Variants in DLG2 observed in about 807,000 individuals in gnomAD.
DLG2 encodes disks large homolog 2.
DLG2 carries 45 observed loss-of-function variants against 132.5 expected under a neutral mutation model. That is an observed-to-expected ratio of 0.34 (90% CI 0.27 to 0.44). The LOEUF (loss-of-function observed/expected upper bound fraction) is 0.44. DLG2 is among the 20% of genes least tolerant of loss of function. DLG2 has a pLI of 1.00. For synonymous variants in DLG2, 424 were observed against 419.6 expected (o/e 1.01, Z -0.13); for missense variants, 1,045 against 1,196.9 (o/e 0.87, Z 1.87).
intron 3 of DLG2, among the ~76,000 whole-genome samples, chr11:85,364,367 A>G (rs1224399534): frequency 1.3e-5 from 2 of 152,198 alleles, no homozygotes; most frequent in East Asian, 3.8e-4. Context: ...GGGAATCAAG[A>G]GATACTCCTT....
chr11:85,035,703 A>G (rs2061381685), intron 6 of DLG2, among the ~76,000 whole-genome samples: 1 of 152,204 alleles, frequency 6.6e-6, no homozygotes, highest in Admixed American at 6.5e-5. Context: ...TTAGTAATTT[A>G]CATAGATTAT....
At chr11:84,987,395 T>C (rs1435306237) in intron 6 of DLG2, among the ~76,000 whole-genome samples, 1 of 151,880 alleles carries the variant, frequency 6.6e-6, no homozygotes, top group Non-Finnish European at 1.5e-5. Flanking sequence ...ACATCATCAT[T>C]CCTCACAGAA....
chr11:84,449,919 A>C (rs1330715381), intron 7 of DLG2, among the ~76,000 whole-genome samples: 1 of 151,876 alleles, frequency 6.6e-6, no homozygotes, highest in African/African-American at 2.4e-5. Context: ...GTTGATACTG[A>C]AGTTACAATT....
chr11:83,644,330 G>C (rs188921045), intron 18 of DLG2, among the ~76,000 whole-genome samples: 1 of 152,072 alleles, frequency 6.6e-6, no homozygotes, highest in South Asian at 2.1e-4. Flanking sequence ...TGGAGAATTC[G>C]ATAAATATGT....
chr11:85,314,305 C>T (rs1332459915), intron 3 of DLG2, among the ~76,000 whole-genome samples: 1 of 151,712 alleles, frequency 6.6e-6, no homozygotes, highest in African/African-American at 2.4e-5. Flanking sequence ...CAAGCTCACT[C>T]CTAATAAAAT....
At chr11:84,037,274 C>T (rs1384636741) in intron 11 of DLG2, among the ~76,000 whole-genome samples, 2 of 152,132 alleles carry the variant, frequency 1.3e-5, no homozygotes, top group East Asian at 3.9e-4. Flanking sequence ...GTTCTAATGT[C>T]TCTCTTTTTA....
At position 84,934,507 on chromosome 11, in the gene DLG2, TTTTTTTTGTTTTGTTTTG is replaced by T. The variant is rs1376520606; in HGVS notation, c.357+177136_357+177153del. On this transcript the variant is annotated intron_variant, in intron 6 of 27. Coordinates refer to ENST00000376104, the MANE Select transcript of DLG2 (RefSeq NM_001142699.3). ...GTGAATCTGTATGGTCCTGGGTGTTTTTTTTTTGTTTTGTTTTGTTTTTTTTTTTTTTTTTTTTTGGTG... is the reference window on the plus strand; with the variant it reads ...GTGAATCTGTATGGTCCTGGGTGTTTTTTTTTTTTTTTTTTTTTTTTGGTG... 1.1e-3 allele frequency among the ~76,000 whole-genome samples: 85 copies of T among 75,970 alleles called. 2 individuals are homozygous for T. Among genetic ancestry groups the T allele is most frequent in the African/African-American group, 3.0e-3 (38 of 12,612 alleles). The allele number at this position is 75,970 out of a possible 152,430, so 49.8% of individuals were successfully genotyped here.
intron 3 of DLG2, among the ~76,000 whole-genome samples, chr11:85,424,171 C>T (rs1345685752): frequency 1.3e-5 from 2 of 152,186 alleles, no homozygotes; most frequent in African/African-American, 4.8e-5. Context: ...CTCCCATAAT[C>T]AAGGCCTTCA....
intron 7 of DLG2, among the ~76,000 whole-genome samples, chr11:84,412,328 T>C (rs1162674232): frequency 6.6e-6 from 1 of 151,748 alleles, no homozygotes; most frequent in Admixed American, 6.6e-5. Flanking sequence ...CAACATACCC[T>C]GATTGTGCCA....
At chr11:83,517,116 T>C (rs2095322544) in intron 21 of DLG2, among the ~76,000 whole-genome samples, 1 of 152,194 alleles carries the variant, frequency 6.6e-6, no homozygotes, top group Non-Finnish European at 1.5e-5. Context: ...TCCTGCAGAG[T>C]GTTTTTCAAC....
At chr11:84,818,443 G>C (rs1406007381) in intron 6 of DLG2, among the ~76,000 whole-genome samples, 2 of 151,444 alleles carry the variant, frequency 1.3e-5, no homozygotes, top group African/African-American at 4.8e-5. Context: ...ATAAGCCTTA[G>C]GCTTGTTATA....
At chr11:84,148,581 T>C (rs1185150344) in intron 9 of DLG2, among the ~76,000 whole-genome samples, 1 of 152,176 alleles carries the variant, frequency 6.6e-6, no homozygotes, top group Non-Finnish European at 1.5e-5. Flanking sequence ...TAGTATTCCA[T>C]GTAAATGTAT....
intron 8 of DLG2, among the ~76,000 whole-genome samples, chr11:84,194,936 G>T (rs12800591): frequency 6.6e-6 from 1 of 152,144 alleles, no homozygotes; most frequent in African/African-American, 2.4e-5. Flanking sequence ...CGTCCTGGCC[G>T]CGTGCAGCCT....
chr11:85,184,492 C>T (rs2152518546), intron 4 of DLG2, among the ~76,000 whole-genome samples: 1 of 151,738 alleles, frequency 6.6e-6, no homozygotes, highest in East Asian at 1.9e-4. Context: ...TTTGGTGTGA[C>T]TATTTCCTGA....
chr11:84,973,313 A>G (rs1174897815), intron 6 of DLG2, among the ~76,000 whole-genome samples: 1 of 152,142 alleles, frequency 6.6e-6, no homozygotes, highest in East Asian at 1.9e-4. Flanking sequence ...CTTTTTAATA[A>G]TATTGTCAGG....
intron 19 of DLG2, among the ~76,000 whole-genome samples, chr11:83,626,092 TC>T (rs1414448069): frequency 1.3e-5 from 2 of 152,200 alleles, no homozygotes; most frequent in African/African-American, 2.4e-5. Context: ...GATTTGCAGG[TC>T]CAGTATTGAA....
chr11:84,732,430 A>G (rs902742336), intron 6 of DLG2, among the ~76,000 whole-genome samples: 2 of 151,992 alleles, frequency 1.3e-5, no homozygotes, highest in Non-Finnish European at 1.5e-5. Context: ...ATCACCTGGT[A>G]TTGTCAATCA....
intron 6 of DLG2, among the ~76,000 whole-genome samples, chr11:84,773,502 A>G (rs1329252699): frequency 3.3e-5 from 5 of 152,330 alleles, no homozygotes; most frequent in Non-Finnish European, 7.4e-5. Context: ...TCCCTGATGA[A>G]CACAGATGCA....
At chr11:85,283,751 G>C (rs1040125391) in intron 4 of DLG2, among the ~76,000 whole-genome samples, 1 of 151,846 alleles carries the variant, frequency 6.6e-6, no homozygotes, top group African/African-American at 2.4e-5. Flanking sequence ...GATATAGGCA[G>C]ATTGGCCTTT....
Sources: gnomAD v4.1 joint callset for allele counts (sites outside exome capture counted in the v4.1 genomes callset) on GRCh38, gnomAD v4.1.1 for gene constraint, MANE v1.5 for transcripts, NCBI Gene and HGNC (gene_info 2026-07-23, HGNC 2026-07-21) for gene names.